Variants in LPAR1 observed in about 807,000 individuals in gnomAD.
LPAR1 encodes lysophosphatidic acid receptor 1.
LPAR1 carries 5 observed loss-of-function variants against 23.8 expected under a neutral mutation model. The observed-to-expected ratio is 0.21, with a 90% CI of 0.11 to 0.44. The LOEUF (loss-of-function observed/expected upper bound fraction) is 0.44, where lower values mean the gene tolerates loss of function less well. LPAR1 is among the 20% of genes least tolerant of loss of function. LPAR1 has a pLI of 0.99. For missense variants in LPAR1, 311 were observed against 482.8 expected (o/e 0.64, Z 3.33); for synonymous variants, 160 against 164.7 (o/e 0.97, Z 0.22).
chr9:110,988,931 A>G (rs1355873057), intron 2 of LPAR1, among the ~76,000 whole-genome samples: 1 of 152,196 alleles, frequency 6.6e-6, no homozygotes, highest in African/African-American at 2.4e-5. Flanking sequence ...GTATTTTTAA[A>G]CAATGGAATA....
At chr9:111,034,581 C>T (rs1056996105) in intron 2 of LPAR1, among the ~76,000 whole-genome samples, 2 of 152,130 alleles carry the variant, frequency 1.3e-5, no homozygotes, top group African/African-American at 2.4e-5. Context: ...GAGGAAGAAA[C>T]TACTTATTAG....
At chr9:110,959,706 A>G (rs2095887864) in intron 4 of LPAR1, among the ~76,000 whole-genome samples, 1 of 152,220 alleles carries the variant, frequency 6.6e-6, no homozygotes. Context: ...ATGTGTTACC[A>G]CAGCACTATT....
chr9:111,012,486 CACACACACAT>C (rs1341421010), intron 2 of LPAR1, among the ~76,000 whole-genome samples: 2 of 151,982 alleles, frequency 1.3e-5, no homozygotes, highest in Non-Finnish European at 2.9e-5. Flanking sequence ...CACACACACA[CACACACACAT>C]ACACACTCAG....
chr9:110,898,331 G>A (rs1427295554), intron 5 of LPAR1, among the ~76,000 whole-genome samples: 3 of 152,128 alleles, frequency 2.0e-5, no homozygotes, highest in African/African-American at 7.2e-5. Context: ...ATATAACTTG[G>A]CACTTTTATT....
intron 4 of LPAR1, among the ~76,000 whole-genome samples, chr9:110,961,218 A>G (rs1032594254): frequency 7.4e-3 from 45 of 6,064 alleles, no homozygotes; most frequent in Non-Finnish European, 0.019. Flanking sequence ...TTTAAGGGGA[A>G]AAAAAAAAAA....
intron 5 of LPAR1, among the ~76,000 whole-genome samples, chr9:110,930,562 G>A (rs1189451955): frequency 1.3e-5 from 2 of 151,954 alleles, no homozygotes; most frequent in African/African-American, 4.8e-5. Context: ...TTATAGGTCA[G>A]TAACCATTCA....
intron 2 of LPAR1, among the ~76,000 whole-genome samples, chr9:111,035,014 A>C (rs1363566613): frequency 6.6e-6 from 1 of 152,166 alleles, no homozygotes; most frequent in East Asian, 1.9e-4. Flanking sequence ...TGGACTCTAC[A>C]GCTACCACCC....
At chr9:110,967,738 G>A (rs2096270709) in intron 4 of LPAR1, among the ~76,000 whole-genome samples, 1 of 152,164 alleles carries the variant, frequency 6.6e-6, no homozygotes, top group South Asian at 2.1e-4. Context: ...CTGATAATAA[G>A]AGAGAAGACA....
intron 2 of LPAR1, among the ~76,000 whole-genome samples, chr9:111,008,187 C>A (rs2097258751): frequency 6.6e-6 from 1 of 150,618 alleles, no homozygotes; most frequent in Non-Finnish European, 1.5e-5. Context: ...AAAAAAAAAT[C>A]TTATTAATAA....
At chr9:110,899,175 CTCT>C (rs2087687330) in intron 5 of LPAR1, among the ~76,000 whole-genome samples, 1 of 152,240 alleles carries the variant, frequency 6.6e-6, no homozygotes, top group African/African-American at 2.4e-5. Context: ...AGGATGAGTT[CTCT>C]TCTTCACACT....
chr9:110,947,347 T>C (rs2095418586), intron 4 of LPAR1, among the ~76,000 whole-genome samples: 1 of 152,226 alleles, frequency 6.6e-6, no homozygotes, highest in South Asian at 2.1e-4. Flanking sequence ...ATAGCATTAT[T>C]CCCAAATTCA....
At chr9:111,003,127 A>T (rs2097158870) in intron 2 of LPAR1, among the ~76,000 whole-genome samples, 1 of 152,222 alleles carries the variant, frequency 6.6e-6, no homozygotes, top group Admixed American at 6.5e-5. Context: ...TAAATTAAAC[A>T]GTTTTATTAT....
At chr9:110,897,904 G>A (rs1345335357) in intron 5 of LPAR1, among the ~76,000 whole-genome samples, 2 of 151,874 alleles carry the variant, frequency 1.3e-5, no homozygotes, top group African/African-American at 4.8e-5. Flanking sequence ...ATTATCTGGG[G>A]ATTATTTCAC....
At chr9:110,906,838 A>T (rs2091349871) in intron 5 of LPAR1, among the ~76,000 whole-genome samples, 2 of 152,158 alleles carry the variant, frequency 1.3e-5, no homozygotes, top group Admixed American at 1.3e-4. Flanking sequence ...GTAAAACCAA[A>T]GTTTCTATGG....
At chr9:110,982,861 TACAC>T (rs55748505) in intron 2 of LPAR1, among the ~76,000 whole-genome samples, 1,787 of 140,052 alleles carry the variant, frequency 0.013, 30 homozygotes, top group African/African-American at 0.041. Flanking sequence ...TATATACACA[TACAC>T]ACACACACAC....
intron 4 of LPAR1, among the ~76,000 whole-genome samples, chr9:110,947,534 T>C (rs1378641676): frequency 3.9e-5 from 6 of 152,224 alleles, no homozygotes; most frequent in Admixed American, 3.9e-4. Flanking sequence ...AAATAAGTTA[T>C]AACAAATCTG....
At chr9:110,966,262 C>T (rs2096217892) in intron 4 of LPAR1, among the ~76,000 whole-genome samples, 1 of 152,054 alleles carries the variant, frequency 6.6e-6, no homozygotes, top group South Asian at 2.1e-4. Flanking sequence ...GGGCGGATCA[C>T]TAAGTCAGGA....
chr9:110,935,275 G>C (rs4246884), intron 5 of LPAR1, among the ~76,000 whole-genome samples: 1 of 151,808 alleles, frequency 6.6e-6, no homozygotes, highest in Non-Finnish European at 1.5e-5. Context: ...GCTTGGATCA[G>C]GAGCTAACTA....
intron 5 of LPAR1, among the ~76,000 whole-genome samples, chr9:110,910,679 T>C (rs2092307702): frequency 6.6e-6 from 1 of 152,180 alleles, no homozygotes; most frequent in Non-Finnish European, 1.5e-5. Flanking sequence ...ATTAAGAACA[T>C]CCATGATTCA....
Sources: gnomAD v4.1 joint callset for allele counts (sites outside exome capture counted in the v4.1 genomes callset) on GRCh38, gnomAD v4.1.1 for gene constraint, MANE v1.5 for transcripts, NCBI Gene and HGNC (gene_info 2026-07-23, HGNC 2026-07-21) for gene names.